The following ASIP variants were observed in gnomAD, a reference collection of about 807,000 sequenced individuals.
ASIP encodes agouti-signaling protein.
In ASIP, 11 loss-of-function variants were observed where a neutral mutation model predicts 10.3. That is an observed-to-expected ratio of 1.07 (90% CI 0.68 to 1.78). The LOEUF (loss-of-function observed/expected upper bound fraction) is 1.78. Ranked by LOEUF, ASIP falls within the 40% of genes most tolerant of loss-of-function variation. The pLI is 0.00. For missense variants in ASIP, 180 were observed against 169.2 expected (o/e 1.06, Z -0.35); for synonymous variants, 70 against 70.8 (o/e 0.99, Z 0.06).
chr20:34,201,017 C>CTTCCTTCCTTCCTTCCTTCCTTCT lies in ASIP; in HGVS notation c.-11+6260_-11+6261insCTTCCTTCCTTCCTTCCTTCTTTC, dbSNP rs751841818. Among the ~76,000 whole-genome samples, 130 of 63,148 alleles carry CTTCCTTCCTTCCTTCCTTCCTTCT rather than the reference C, an allele frequency of 2.1e-3. 1 individual carries two copies. Among genetic ancestry groups the CTTCCTTCCTTCCTTCCTTCCTTCT allele is most frequent in the Middle Eastern group, 6.8e-3 (1 of 148 alleles). 41.4% of individuals were successfully genotyped at this position (63,148 alleles called of 152,430 possible). The stretch of plus-strand genomic sequence containing the variant: ...CCTTCCTTCCTTCCTTCCTTCCTTC[C>CTTCCTTCCTTCCTTCCTTCCTTCT]TTCTTTCTTTCTTTCTTTCTTTCTT... On this transcript the variant is annotated intron_variant, in intron 1 of 3. Transcript: ENST00000568305.
rs2034891509 is a variant in ASIP, at chr20:34,201,007, TCCTTCCTTCC to T, written c.-11+6248_-11+6257del. On this transcript the variant is annotated intron_variant, in intron 1 of 3. Coordinates refer to the ASIP transcript ENST00000568305. ...TTCCTTCCTTCCTTCCTTCCTTCCT[TCCTTCCTTCC>T]TTCTTTCTTTCTTTCTTTCTTTCTT... Among the ~76,000 whole-genome samples the T allele has an allele frequency of 5.2e-5, 4 of 76,246 alleles. 1 individual carries two copies. The African/African-American group carries it at 5.4e-4, about 10-fold the overall frequency. The allele number at this position is 76,246 out of a possible 152,430, so 50.0% of individuals were successfully genotyped here.
At chr20:34,189,485 G>A in the ASIP span, among the ~76,000 whole-genome samples, 18 of 151,782 alleles carry the variant, frequency 1.2e-4, no homozygotes, top group South Asian at 2.9e-3. Context: ...CATGTGATCC[G>A]CCCACCTCGG....
At chr20:34,217,328 C>T (rs2035015447) in intron 1 of ASIP, among the ~76,000 whole-genome samples, 5 of 151,544 alleles carry the variant, frequency 3.3e-5, no homozygotes, top group Admixed American at 1.3e-4. Flanking sequence ...GTCCCAGTTA[C>T]TCCGGAGGCT....
intron 2 of ASIP, among the ~76,000 whole-genome samples, chr20:34,260,913 G>A (rs819136): frequency 0.24 from 35,818 of 152,132 alleles, 7,132 homozygotes; most frequent in African/African-American, 0.54. Flanking sequence ...GTCAGGGTTG[G>A]GAATGAAGGC....
chr20:34,248,274 A>G (rs971616633), intron 1 of ASIP, among the ~76,000 whole-genome samples: 1 of 152,154 alleles, frequency 6.6e-6, no homozygotes, highest in Admixed American at 6.5e-5. Flanking sequence ...GCAGCATTAG[A>G]ATGAACTTAT....
chr20:34,256,378 G>T (rs1263993354), intron 1 of ASIP, among the ~76,000 whole-genome samples: 2 of 152,244 alleles, frequency 1.3e-5, no homozygotes, highest in East Asian at 3.9e-4. Context: ...TCTTTGTCTT[G>T]TGTCTTTATT....
chr20:34,248,913 T>C, intron 1 of ASIP, among the ~76,000 whole-genome samples: 1 of 148,372 alleles, frequency 6.7e-6, no homozygotes, highest in Non-Finnish European at 1.5e-5. Flanking sequence ...AAAAATCTAA[T>C]AATTCATCAG....
At chr20:34,223,065 A>G (rs926418563) in intron 1 of ASIP, among the ~76,000 whole-genome samples, 5 of 151,948 alleles carry the variant, frequency 3.3e-5, no homozygotes, top group Non-Finnish European at 7.4e-5. Flanking sequence ...CTGGGAAGTG[A>G]GGAGTGTCTC....
At position 34,258,845 on chromosome 20, in the gene ASIP, GTATA is replaced by G. The variant is rs1343592210; in HGVS notation, c.-10-1515_-10-1512del. 3.6e-3 allele frequency among the ~76,000 whole-genome samples: 420 copies of G among 116,568 alleles called. 2 individuals carry two copies. Among genetic ancestry groups the G allele is most frequent in the Non-Finnish European group, 6.2e-3 (359 of 57,466 alleles). The allele number at this position is 116,568 out of a possible 152,430, so 76.5% of individuals were successfully genotyped here. ...CTATATATAGTATTATATATATAGT[GTATA>G]TATAATATATGATATATATAATACT... On this transcript the variant is annotated intron_variant, in intron 1 of 3. Coordinates refer to ENST00000374954, the MANE Select transcript of ASIP (RefSeq NM_001672.3).
At chr20:34,258,426 T>G (rs1314215360) in intron 1 of ASIP, among the ~76,000 whole-genome samples, 2 of 150,004 alleles carry the variant, frequency 1.3e-5, no homozygotes, top group Non-Finnish European at 3.0e-5. Context: ...ATATGAAATG[T>G]GAGAAGGGCA....
chr20:34,202,558 A>G (rs2034906629), intron 1 of ASIP, among the ~76,000 whole-genome samples: 1 of 152,120 alleles, frequency 6.6e-6, no homozygotes, highest in Non-Finnish European at 1.5e-5. Context: ...CTGTATGGAT[A>G]TTCAATCAAT....
At chr20:34,213,527 C>T (rs1415942327) in intron 1 of ASIP, 16 of 1,503,784 alleles carry the variant, frequency 1.1e-5, no homozygotes, top group African/African-American at 5.6e-5. Context: ...TTTTCTTCTG[C>T]GGGCCAGAGT....
At chr20:34,249,603 C>CA (rs2035440534) in intron 1 of ASIP, among the ~76,000 whole-genome samples, 1 of 152,142 alleles carries the variant, frequency 6.6e-6, no homozygotes, top group South Asian at 2.1e-4. Flanking sequence ...TAATGCTCTC[C>CA]TGTCACCATC....
chr20:34,246,467 T>C lies in ASIP; in HGVS notation c.-11+4978T>C, dbSNP rs1443577669. ...ACAATAAAGGACTCGAAGTGGGTAA[T>C]TGGCATCTAACTTGGCACTGTTCCT... On this transcript the variant is annotated intron_variant, in intron 1 of 3. Transcript: ENST00000374954. The C allele has an allele frequency of 4.3e-6, 6 of 1,402,644 alleles. No homozygotes were observed. In the African/African-American group the frequency reaches 5.7e-5, roughly 13 times the overall value. 86.9% of individuals were successfully genotyped at this position (1,402,644 alleles called of 1,614,324 possible).
chr20:34,258,143 TA>T (rs879344613), intron 1 of ASIP, among the ~76,000 whole-genome samples: 66 of 143,640 alleles, frequency 4.6e-4, no homozygotes, highest in Admixed American at 3.5e-4. Flanking sequence ...GATTCCATCT[TA>T]AAAAAAAAAA....
chr20:34,224,667 G>A (rs1232514405), intron 1 of ASIP, among the ~76,000 whole-genome samples: 1 of 151,028 alleles, frequency 6.6e-6, no homozygotes, highest in Non-Finnish European at 1.5e-5. Flanking sequence ...TCCTAGGATT[G>A]TCTCACCAGG....
chr20:34,206,172 T>C (rs2034935342), intron 1 of ASIP, among the ~76,000 whole-genome samples: 1 of 152,114 alleles, frequency 6.6e-6, no homozygotes. Context: ...TTTTTTTGTA[T>C]TTTTAGTAGA....
intron 1 of ASIP, among the ~76,000 whole-genome samples, chr20:34,227,077 T>A (rs1396731382): frequency 1.3e-5 from 2 of 152,188 alleles, no homozygotes; most frequent in East Asian, 1.9e-4. Flanking sequence ...AAGACATGAT[T>A]GTTTATGTAA....
chr20:34,255,158 T>C (rs2035546899), intron 1 of ASIP, among the ~76,000 whole-genome samples: 1 of 152,164 alleles, frequency 6.6e-6, no homozygotes, highest in African/African-American at 2.4e-5. Context: ...CTGTGGACTT[T>C]GGCCAGTCCA....
Sources: gnomAD v4.1 joint callset for allele counts (sites outside exome capture counted in the v4.1 genomes callset) on GRCh38, gnomAD v4.1.1 for gene constraint, MANE v1.5 for transcripts, NCBI Gene and HGNC (gene_info 2026-07-23, HGNC 2026-07-21) for gene names.